The following SYNE2 variants were observed in gnomAD, a reference collection of about 807,000 sequenced individuals.
The protein encoded by SYNE2 is nesprin-2.
In SYNE2, 431 loss-of-function variants were observed where a neutral mutation model predicts 856.3. That is an observed-to-expected ratio of 0.50 (90% CI 0.47 to 0.55). The LOEUF is 0.55. Ranked by LOEUF, SYNE2 falls within the 20% of genes least tolerant of loss-of-function variation. The pLI, the probability that SYNE2 is intolerant of heterozygous loss-of-function variation, is 0.00. For missense variants in SYNE2, 8,129 were observed against 8,023.2 expected (o/e 1.01, Z -0.50); for synonymous variants, 2,923 against 2,872.3 (o/e 1.02, Z -0.56).
intron 99 of SYNE2, among the ~76,000 whole-genome samples, chr14:64,197,824 A>G (rs2098546594): frequency 1.3e-5 from 2 of 152,210 alleles, no homozygotes; most frequent in South Asian, 4.1e-4. Flanking sequence ...TTGGAAGGAG[A>G]GCAGTGTTCA....
chr14:64,022,300 G>A (rs1424533601), intron 37 of SYNE2, among the ~76,000 whole-genome samples: 1 of 152,156 alleles, frequency 6.6e-6, no homozygotes, highest in Non-Finnish European at 1.5e-5. Flanking sequence ...TGGTTGGTGA[G>A]TCTGGGGAAA....
At chr14:63,841,994 G>T (rs534878772) in intron 1 of SYNE2, among the ~76,000 whole-genome samples, 3 of 151,180 alleles carry the variant, frequency 2.0e-5, no homozygotes, top group Non-Finnish European at 4.4e-5. Context: ...CACCATGCCC[G>T]GCTAATTTTT....
chr14:63,994,955 G>T, intron 22 of SYNE2, 89 bp from the exon 23 acceptor site: 1 of 860,426 alleles, frequency 1.2e-6, no homozygotes. Context: ...CTGTCCTTTT[G>T]TCACTACACA....
intron 8 of SYNE2, among the ~76,000 whole-genome samples, chr14:63,959,227 C>CT (rs76896617): frequency 0.68 from 102,444 of 149,842 alleles, 35,265 homozygotes; most frequent in Admixed American, 0.77. Context: ...AGCTCACAGC[C>CT]AATGTGAACT....
At chr14:63,965,120 G>A (rs2096373180) in intron 10 of SYNE2, among the ~76,000 whole-genome samples, 1 of 151,760 alleles carries the variant, frequency 6.6e-6, no homozygotes, top group Non-Finnish European at 1.5e-5. Flanking sequence ...CCGCCACCAG[G>A]CCCGGCTAAT....
rs1377083198 is a variant in SYNE2, at chr14:64,098,775, T to C, written c.12335T>C (p.Leu4112Pro). 2 of 1,614,100 alleles carry C rather than the reference T, an allele frequency of 1.2e-6. No homozygotes were observed. Among genetic ancestry groups the C allele is most frequent in the African/African-American group, 1.3e-5 (1 of 75,036 alleles). The stretch of plus-strand genomic sequence containing the variant: ...AACAGAAGAGGCTCCATGTCTTACC[T>C]GGCAGCAGTCGAGGAAGAGGTGGAA... ...KLNRRGSMSY[L>P]AAVEEEVEES... Residue 4112 changes from leucine to proline, a missense_variant, in exon 63 of 116, where the codon CTG (leucine) becomes CCG (proline). This residue lies in a region of SYNE2 where 5,410 missense variants were observed against 5,284.8 expected (regional missense o/e 1.02). Coordinates refer to ENST00000555002, the MANE Select transcript of SYNE2 (RefSeq NM_182914.3).
At chr14:64,117,647 A>G (rs1049732507) in intron 66 of SYNE2, among the ~76,000 whole-genome samples, 2 of 152,162 alleles carry the variant, frequency 1.3e-5, no homozygotes, top group Admixed American at 6.5e-5. Flanking sequence ...AGGTTATTTT[A>G]TATAATAACT....
intron 6 of SYNE2, among the ~76,000 whole-genome samples, chr14:63,943,727 G>A (rs1255983079): frequency 2.6e-5 from 4 of 151,450 alleles, no homozygotes; most frequent in Non-Finnish European, 5.9e-5. Context: ...CTGGAGTGCA[G>A]TGGCACGATC....
chr14:63,814,781 TATATATCC>T (rs1566584067), intron 1 of SYNE2, among the ~76,000 whole-genome samples: 7 of 128,654 alleles, frequency 5.4e-5, no homozygotes, highest in African/African-American at 1.7e-4. Context: ...TATATATCCA[TATATATCC>T]ATATATATCC....
chr14:64,009,741 A>G (rs1181374522), intron 31 of SYNE2, among the ~76,000 whole-genome samples: 3 of 152,118 alleles, frequency 2.0e-5, no homozygotes, highest in African/African-American at 4.8e-5. Context: ...GTAACTTTTT[A>G]ATGTTCACCT....
chr14:63,927,284 A>T (rs1322670552), intron 2 of SYNE2, among the ~76,000 whole-genome samples: 3 of 152,234 alleles, frequency 2.0e-5, no homozygotes, highest in Non-Finnish European at 4.4e-5. Context: ...GCAGTGGCTC[A>T]TGCCTGTAAT....
intron 30 of SYNE2, among the ~76,000 whole-genome samples, chr14:64,004,149 C>T (rs188515720): frequency 7.3e-5 from 11 of 151,606 alleles, no homozygotes; most frequent in Non-Finnish European, 1.3e-4. Flanking sequence ...CTCAGCTTCC[C>T]GAGTAGCTGG....
rs570492284 is a variant in SYNE2 at position 63,868,474 on chromosome 14, T to TA, written c.-52+15345dup. Among the ~76,000 whole-genome samples, 627 of 138,296 alleles carry TA rather than the reference T, an allele frequency of 4.5e-3. 4 individuals are homozygous for TA. The highest frequency in any genetic ancestry group is 0.027 in the South Asian group (115 of 4,282). 90.7% of individuals were successfully genotyped at this position (138,296 alleles called of 152,430 possible). ...TGGACAGCAGAGTGAGACCCTGCCT[T>TA]AAAAAAAAAAAAAAGGAAGAACCCA... On this transcript the variant is annotated intron_variant, in intron 1 of 115. Transcript: ENST00000555002.
At chr14:63,964,925 A>G (rs556807650) in intron 10 of SYNE2, among the ~76,000 whole-genome samples, 47 of 152,052 alleles carry the variant, frequency 3.1e-4, no homozygotes, top group Non-Finnish European at 3.1e-4. Flanking sequence ...TTTGGCAAAT[A>G]ATGACAACTG....
chr14:64,121,830 T>C (rs1365737297), intron 68 of SYNE2, among the ~76,000 whole-genome samples, 182 bp from the exon 69 acceptor site: 2 of 152,244 alleles, frequency 1.3e-5, no homozygotes, highest in Non-Finnish European at 2.9e-5. Context: ...AGTTATTGTG[T>C]GAATATTTTA....
At chr14:64,177,014 T>G (rs992368850) in intron 95 of SYNE2, among the ~76,000 whole-genome samples, 4 of 152,036 alleles carry the variant, frequency 2.6e-5, no homozygotes, top group African/African-American at 9.7e-5. Context: ...GCCAGGCTGG[T>G]CTCAAACTCC....
intron 11 of SYNE2, among the ~76,000 whole-genome samples, chr14:63,969,221 G>A (rs12891564): frequency 0.055 from 8,108 of 148,112 alleles, 285 homozygotes; most frequent in Admixed American, 0.095. Flanking sequence ...CCAGGCTAGA[G>A]TGCAATGGTG....
intron 78 of SYNE2, among the ~76,000 whole-genome samples, chr14:64,136,772 T>C (rs1293242578): frequency 1.3e-5 from 2 of 152,242 alleles, no homozygotes; most frequent in Non-Finnish European, 2.9e-5. Context: ...TTCTGCCTAG[T>C]ATTCGCATCT....
At chr14:64,119,325 C>G in intron 66 of SYNE2, 102 bp from the exon 67 acceptor site, 1 of 1,452,598 alleles carries the variant, frequency 6.9e-7, no homozygotes, top group Non-Finnish European at 9.5e-7. Context: ...TCTGGGACTT[C>G]TTGTATACAC....
Sources: gnomAD v4.1 joint callset for allele counts (sites outside exome capture counted in the v4.1 genomes callset) on GRCh38, gnomAD v4.1.1 for gene constraint, gnomAD v4.1.1 regional missense constraint, MANE v1.5 for transcripts, NCBI Gene and HGNC (gene_info 2026-07-23, HGNC 2026-07-21) for gene names.